Variants in SLC24A3 observed in about 807,000 individuals in gnomAD.
SLC24A3 encodes solute carrier family 24 member 3, also known as sodium/potassium/calcium exchanger 3.
In SLC24A3, 28 loss-of-function variants were observed where a neutral mutation model predicts 75.8. The ratio of observed to expected loss-of-function variants is 0.37; its 90% CI spans 0.27 to 0.51. SLC24A3 has a LOEUF of 0.51. SLC24A3 is among the 20% of genes least tolerant of loss of function. The probability of loss-of-function intolerance (pLI) is 0.94; values close to 1 mark genes in which losing one functional copy is unlikely to be tolerated. For missense variants in SLC24A3, 663 were observed against 847.8 expected, an observed-to-expected ratio of 0.78 and a Z score of 2.71; for synonymous variants, 372 against 334.1, an observed-to-expected ratio of 1.11 and a Z score of -1.24.
chr20:19,470,743 G>A (rs1369583690), intron 2 of SLC24A3, among the ~76,000 whole-genome samples: 3 of 152,198 alleles, frequency 2.0e-5, no homozygotes. Flanking sequence ...TTGGCACCAA[G>A]TAGATCACAC....
intron 8 of SLC24A3, among the ~76,000 whole-genome samples, chr20:19,669,915 A>G (rs1360443601): frequency 2.0e-5 from 3 of 151,994 alleles, no homozygotes; most frequent in Non-Finnish European, 2.9e-5. Flanking sequence ...GAAGAAACAA[A>G]CCCAGATCAG....
rs374702070 is a variant in SLC24A3 at position 19,601,738 on chromosome 20, C to T, written c.612+16194C>T. On this transcript the variant is annotated intron_variant, in intron 6 of 16. Coordinates refer to ENST00000328041, the MANE Select transcript of SLC24A3 (RefSeq NM_020689.4). ...TCCTACAAGTCTCATCTCTCCAGTC[C>T]CTCCATGCACAGCCTCTCAGCTGGC... Among the ~76,000 whole-genome samples the T allele has an allele frequency of 7.2e-4, 109 of 152,300 alleles. 4 individuals are homozygous for T. In the South Asian group the frequency reaches 0.018, roughly 26 times the overall value.
intron 6 of SLC24A3, among the ~76,000 whole-genome samples, chr20:19,641,184 G>C (rs2032071766): frequency 6.6e-6 from 1 of 152,102 alleles, no homozygotes; most frequent in African/African-American, 2.4e-5. Context: ...TAAGTTGTCT[G>C]ATTACCCTGA....
intron 2 of SLC24A3, among the ~76,000 whole-genome samples, chr20:19,444,191 T>C (rs141873777): frequency 0.02 from 3,121 of 152,350 alleles, 53 homozygotes; most frequent in Non-Finnish European, 0.032. Flanking sequence ...TATCACCTGG[T>C]CATGGCGTAT....
chr20:19,475,893 A>G (rs1170667415), intron 2 of SLC24A3, among the ~76,000 whole-genome samples: 3 of 152,244 alleles, frequency 2.0e-5, no homozygotes, highest in African/African-American at 4.8e-5. Context: ...TATTAAAACT[A>G]CAGCATCAAA....
chr20:19,253,979 C>G (rs1440960498), intron 1 of SLC24A3, among the ~76,000 whole-genome samples: 2 of 152,176 alleles, frequency 1.3e-5, no homozygotes, highest in Non-Finnish European at 2.9e-5. Flanking sequence ...GGAGGTTTTC[C>G]TGTCCAACAT....
At chr20:19,221,647 G>C (rs1474120317) in intron 1 of SLC24A3, among the ~76,000 whole-genome samples, 1 of 152,176 alleles carries the variant, frequency 6.6e-6, no homozygotes, top group East Asian at 1.9e-4. Flanking sequence ...GAATTCTGAA[G>C]GCATTGCTTG....
At chr20:19,250,026 C>T (rs143278670) in intron 1 of SLC24A3, among the ~76,000 whole-genome samples, 76 of 152,286 alleles carry the variant, frequency 5.0e-4, no homozygotes, top group Non-Finnish European at 9.6e-4. Flanking sequence ...TCCTCACATG[C>T]TGTCTTCTGA....
At chr20:19,602,819 C>T (rs569229352) in intron 6 of SLC24A3, among the ~76,000 whole-genome samples, 19 of 152,290 alleles carry the variant, frequency 1.2e-4, no homozygotes, top group African/African-American at 4.3e-4. Flanking sequence ...TCTCTCTCTG[C>T]GCTAATGAGT....
At chr20:19,354,705 A>T (rs943374261) in intron 2 of SLC24A3, among the ~76,000 whole-genome samples, 1 of 151,826 alleles carries the variant, frequency 6.6e-6, no homozygotes, top group African/African-American at 2.4e-5. Flanking sequence ...ACTACATGAG[A>T]TCATGTAGTA....
intron 2 of SLC24A3, among the ~76,000 whole-genome samples, chr20:19,305,346 A>G (rs1417351383): frequency 3.3e-5 from 5 of 152,076 alleles, no homozygotes; most frequent in African/African-American, 1.2e-4. Context: ...TCACTATGCC[A>G]TGGAGACCCA....
intron 2 of SLC24A3, among the ~76,000 whole-genome samples, chr20:19,309,383 C>A (rs1444117961): frequency 6.6e-6 from 1 of 152,164 alleles, no homozygotes; most frequent in Non-Finnish European, 1.5e-5. Context: ...AAGGGCCAAA[C>A]CAGGTGGTTA....
intron 12 of SLC24A3, among the ~76,000 whole-genome samples, chr20:19,689,745 G>A (rs1202934116): frequency 6.6e-6 from 1 of 152,178 alleles, no homozygotes; most frequent in East Asian, 1.9e-4. Context: ...TGGAAATTAA[G>A]GGCTGGGCGT....
chr20:19,610,027 G>C (rs1028633263), intron 6 of SLC24A3, among the ~76,000 whole-genome samples: 1 of 152,200 alleles, frequency 6.6e-6, no homozygotes, highest in African/African-American at 2.4e-5. Context: ...GTGGAAAACT[G>C]CTCATTTGTT....
At chr20:19,347,375 C>G (rs568477806) in intron 2 of SLC24A3, among the ~76,000 whole-genome samples, 4 of 152,086 alleles carry the variant, frequency 2.6e-5, no homozygotes, top group African/African-American at 9.7e-5. Flanking sequence ...AGCCATGCAC[C>G]TCAGTTAATA....
At chr20:19,346,063 C>CTATATATATA (rs763603062) in intron 2 of SLC24A3, among the ~76,000 whole-genome samples, 8 of 21,258 alleles carry the variant, frequency 3.8e-4, no homozygotes, top group Admixed American at 6.7e-4. Context: ...ATAAAGAAAA[C>CTATATATATA]TATATATATA....
chr20:19,649,486 T>C (rs2032175864), intron 6 of SLC24A3, among the ~76,000 whole-genome samples: 1 of 152,218 alleles, frequency 6.6e-6, no homozygotes, highest in Non-Finnish European at 1.5e-5. Flanking sequence ...ATATCTACAT[T>C]CCTATCTATA....
intron 15 of SLC24A3, among the ~76,000 whole-genome samples, chr20:19,715,672 A>G (rs183601255): frequency 5.9e-5 from 9 of 152,238 alleles, no homozygotes; most frequent in African/African-American, 1.9e-4. Flanking sequence ...TGACACACCC[A>G]CCTATGGAGA....
chr20:19,609,864 C>T (rs1245194100), intron 6 of SLC24A3, among the ~76,000 whole-genome samples: 1 of 152,112 alleles, frequency 6.6e-6, no homozygotes, highest in Non-Finnish European at 1.5e-5. Context: ...AGCTGTGTGC[C>T]TGTGAGTCAG....
Sources: gnomAD v4.1 joint callset for allele counts (sites outside exome capture counted in the v4.1 genomes callset) on GRCh38, gnomAD v4.1.1 for gene constraint, MANE v1.5 for transcripts, NCBI Gene and HGNC (gene_info 2026-07-23, HGNC 2026-07-21) for gene names.